The following PCNT variants were observed in gnomAD, a reference collection of about 807,000 sequenced individuals.
The protein encoded by PCNT is pericentrin.
A neutral mutation model predicts 380.4 loss-of-function variants in PCNT; 319 were observed. The observed-to-expected ratio is 0.84, with a 90% CI of 0.77 to 0.92. The LOEUF (loss-of-function observed/expected upper bound fraction) is 0.92, where lower values mean the gene tolerates loss of function less well. Ranked by LOEUF, PCNT falls within the 40% of genes least tolerant of loss-of-function variation. The probability of loss-of-function intolerance (pLI) is 0.00; values close to 1 mark genes in which losing one functional copy is unlikely to be tolerated. For synonymous variants in PCNT, 1,845 were observed against 1,735.2 expected (o/e 1.06, Z -1.57); for missense variants, 4,400 against 4,255.3 (o/e 1.03, Z -0.95).
At chr21:46,432,669 G>C (rs2147995298) in intron 38 of PCNT, among the ~76,000 whole-genome samples, 2 of 152,304 alleles carry the variant, frequency 1.3e-5, no homozygotes, top group Middle Eastern at 6.8e-3. Context: ...CTGTCACCCA[G>C]GCTGGAGTGC....
intron 15 of PCNT, among the ~76,000 whole-genome samples, chr21:46,369,790 A>G (rs191181599): frequency 7.2e-5 from 11 of 152,300 alleles, no homozygotes; most frequent in Admixed American, 5.9e-4. Flanking sequence ...GCCCTGTGCA[A>G]TCAGAGACGC....
At chr21:46,380,232 G>A (rs1052497663) in intron 15 of PCNT, among the ~76,000 whole-genome samples, 1 of 133,510 alleles carries the variant, frequency 7.5e-6, no homozygotes, top group African/African-American at 2.9e-5. Flanking sequence ...CGCAATCTAG[G>A]CTCACTGCAA....
intron 16 of PCNT, among the ~76,000 whole-genome samples, chr21:46,382,230 T>A: frequency 6.8e-6 from 1 of 146,652 alleles, no homozygotes; most frequent in Non-Finnish European, 1.5e-5. Flanking sequence ...CATAGTGTTC[T>A]GCATTCAGTG....
At chr21:46,400,251 G>A (rs187393957) in intron 25 of PCNT, among the ~76,000 whole-genome samples, 2 of 152,236 alleles carry the variant, frequency 1.3e-5, no homozygotes, top group African/African-American at 4.8e-5. Flanking sequence ...GTGTTCGTTT[G>A]TGTCTGAGAG....
At chr21:46,413,516 A>G (rs1023138483) in intron 29 of PCNT, among the ~76,000 whole-genome samples, 1 of 152,252 alleles carries the variant, frequency 6.6e-6, no homozygotes, top group Non-Finnish European at 1.5e-5. Context: ...CGAGCTGTCC[A>G]TAACTGTTGT....
At chr21:46,332,681 C>T (rs903820481) in intron 2 of PCNT, among the ~76,000 whole-genome samples, 1 of 152,170 alleles carries the variant, frequency 6.6e-6, no homozygotes, top group Admixed American at 6.5e-5. Context: ...TCAGTTTTGC[C>T]ATCATCATTG....
Position 46,437,823 on chromosome 21 carries a change from A to G in PCNT, c.9100-341A>G, listed in dbSNP as rs552040860. Reference sequence around the variant, plus strand: ...AGCGTGCCCACCCTCCACAGGCTGAACGTCCTTTTGATGGTGGAAGTAATA... The same window carrying G: ...AGCGTGCCCACCCTCCACAGGCTGAGCGTCCTTTTGATGGTGGAAGTAATA... On this transcript the variant is annotated intron_variant, in intron 40 of 46. Coordinates refer to ENST00000359568, the MANE Select transcript of PCNT (RefSeq NM_006031.6). Among the ~76,000 whole-genome samples, 241 of 152,336 alleles carry G rather than the reference A, an allele frequency of 1.6e-3. 1 individual carries two copies. The highest frequency in any genetic ancestry group is 5.6e-3 in the African/African-American group (233 of 41,574).
At chr21:46,374,850 A>AG in intron 15 of PCNT, among the ~76,000 whole-genome samples, 1 of 19,494 alleles carries the variant, frequency 5.1e-5, no homozygotes, top group African/African-American at 3.9e-4. Context: ...ACTTCGTCTC[A>AG]AAAAAAAAAA....
At chr21:46,431,384 T>C in intron 37 of PCNT, 145 bp from the exon 38 acceptor site, 2 of 1,482,718 alleles carry the variant, frequency 1.3e-6, no homozygotes, top group South Asian at 1.4e-5. Flanking sequence ...AACAAAAAAA[T>C]GTTGTCCCTA....
intron 33 of PCNT, among the ~76,000 whole-genome samples, chr21:46,427,284 C>T (rs1056165504): frequency 2.0e-5 from 3 of 152,228 alleles, no homozygotes; most frequent in African/African-American, 4.8e-5. Flanking sequence ...TCTGTTTGAA[C>T]GGCTGTCAGT....
Position 46,326,473 on chromosome 21 carries a change from CAGG to C in PCNT, c.157_159del (p.Glu53del). The C allele has an allele frequency of 1.2e-6, 2 of 1,614,176 alleles. No individual in the cohort carries two copies. The highest frequency in any genetic ancestry group is 1.7e-6 in the Non-Finnish European group (2 of 1,180,040). ...GGGCTCGGCTGTCGATGCGTCTGTC[CAGG>C]AGGAGAGTCCGGTAACCAAGGAGGA... On this transcript the variant is annotated inframe_deletion, in exon 2 of 47. Transcript: ENST00000359568.
chr21:46,324,679 G>C (rs1401615029), intron 1 of PCNT, among the ~76,000 whole-genome samples: 1 of 151,880 alleles, frequency 6.6e-6, no homozygotes, highest in African/African-American at 2.4e-5. Flanking sequence ...GGCAGGCGCT[G>C]GACCCCAGGC....
In PCNT at chr21:46,357,101, C is replaced by A. The variant is rs2084507208; in HGVS notation, c.2064C>A (p.Leu688=). 6.2e-7 allele frequency: 1 copy of A among 1,613,448 alleles called. No homozygotes were observed. Among genetic ancestry groups the A allele is most frequent in the African/African-American group, 1.3e-5 (1 of 74,890 alleles). Residue 688 remains leucine (L), a synonymous_variant, in exon 13 of 47, where the codon CTC becomes CTA. Transcript: ENST00000359568. ...AACTTTCGCTTCTTCAGACTGAGCT[C>A]AAAGAAGAAATTGAACTCCTAAAAA... ...KVQLSLLQTE[L]KEEIELLKIE... is the part of the protein sequence containing the mutation.
chr21:46,412,666 C>T (rs548684076), intron 28 of PCNT, among the ~76,000 whole-genome samples, 171 bp from the exon 29 acceptor site: 7 of 152,320 alleles, frequency 4.6e-5, no homozygotes, highest in African/African-American at 7.2e-5. Context: ...TCCTCAGCCC[C>T]GTTCCCATGT....
chr21:46,370,515 A>G (rs1330997292), intron 15 of PCNT, among the ~76,000 whole-genome samples: 1 of 151,974 alleles, frequency 6.6e-6, no homozygotes, highest in African/African-American at 2.4e-5. Flanking sequence ...GGGGGCTGAC[A>G]GGGGAAGCCA....
rs976070002 is a variant in PCNT, at chr21:46,445,399, A to C, written c.*72A>C. On this transcript the variant is annotated 3_prime_UTR_variant, in exon 47 of 47. Coordinates refer to ENST00000359568, the MANE Select transcript of PCNT (RefSeq NM_006031.6). Reference sequence around the variant, plus strand: ...GATTTGTTTTTCCCTTTTCCCAAGGAAGCTCGTGGGACAGCATGGGCACTA... The same window carrying C: ...GATTTGTTTTTCCCTTTTCCCAAGGCAGCTCGTGGGACAGCATGGGCACTA... 4 of 1,232,952 alleles carry C rather than the reference A, an allele frequency of 3.2e-6. No homozygotes were observed. The African/African-American group carries it at 5.9e-5, about 18-fold the overall frequency. 76.4% of individuals were successfully genotyped at this position (1,232,952 alleles called of 1,614,324 possible).
chr21:46,441,162 C>A, intron 43 of PCNT, 78 bp downstream of exon 43: 3 of 891,772 alleles, frequency 3.4e-6, no homozygotes, highest in South Asian at 2.7e-5. Context: ...GTTTTTTGGT[C>A]ATTTTATTCC....
intron 33 of PCNT, 30 bp from the exon 34 acceptor site, chr21:46,427,592 G>A (rs1261724532): frequency 6.2e-7 from 1 of 1,613,484 alleles, no homozygotes; most frequent in East Asian, 2.2e-5. Flanking sequence ...GCATTTGTGA[G>A]GACGCCACGT....
At chr21:46,368,536 T>C (rs2085010031) in intron 15 of PCNT, among the ~76,000 whole-genome samples, 2 of 152,230 alleles carry the variant, frequency 1.3e-5, no homozygotes, top group African/African-American at 2.4e-5. Context: ...CCTCTTGCCC[T>C]GGGCTGGCGC....
Sources: gnomAD v4.1 joint callset for allele counts (sites outside exome capture counted in the v4.1 genomes callset) on GRCh38, gnomAD v4.1.1 for gene constraint, MANE v1.5 for transcripts, NCBI Gene and HGNC (gene_info 2026-07-23, HGNC 2026-07-21) for gene names.